The following PTPRD variants were observed in gnomAD, a reference collection of about 807,000 sequenced individuals.
PTPRD encodes receptor-type tyrosine-protein phosphatase delta.
Under a neutral mutation model 214.5 loss-of-function variants are expected in PTPRD, and 34 were observed. The observed-to-expected ratio is 0.16, with a 90% CI of 0.12 to 0.21. The LOEUF (loss-of-function observed/expected upper bound fraction) is 0.21. Among genes scored for constraint, PTPRD ranks in the 10% least tolerant of loss-of-function variants. PTPRD has a pLI of 1.00. For missense variants in PTPRD, 2,545 were observed against 2,398.7 expected, an observed-to-expected ratio of 1.06 and a Z score of -1.27; for synonymous variants, 1,128 against 845.7, an observed-to-expected ratio of 1.33 and a Z score of -5.79.
intron 6 of PTPRD, among the ~76,000 whole-genome samples, chr9:9,740,653 C>T (rs972888010): frequency 6.6e-6 from 1 of 152,082 alleles, no homozygotes. Flanking sequence ...CCTGAGCCAC[C>T]GCACCTGGCC....
chr9:8,863,352 T>TATCCCAACCC (rs1465902124), intron 11 of PTPRD, among the ~76,000 whole-genome samples: 1 of 152,250 alleles, frequency 6.6e-6, no homozygotes, highest in African/African-American at 2.4e-5. Flanking sequence ...CCATTGGCAC[T>TATCCCAACCC]ATCCCAACCC....
At chr9:8,873,347 C>A (rs2098334607) in intron 11 of PTPRD, among the ~76,000 whole-genome samples, 1 of 152,200 alleles carries the variant, frequency 6.6e-6, no homozygotes, top group Non-Finnish European at 1.5e-5. Context: ...TACCAGCTGT[C>A]GTGTTGTATG....
At chr9:10,261,157 T>A (rs997696496) in intron 3 of PTPRD, among the ~76,000 whole-genome samples, 2 of 150,460 alleles carry the variant, frequency 1.3e-5, no homozygotes, top group African/African-American at 4.9e-5. Flanking sequence ...GAAACTAACT[T>A]TTAAAGACTG....
At chr9:8,558,757 T>C (rs144221090) in intron 14 of PTPRD, among the ~76,000 whole-genome samples, 5 of 152,298 alleles carry the variant, frequency 3.3e-5, no homozygotes, top group East Asian at 1.9e-4. Flanking sequence ...GTTACCAAAA[T>C]AGGGTGAACA....
intron 35 of PTPRD, among the ~76,000 whole-genome samples, chr9:8,414,930 G>GGGGAGAGA (rs1491158344): frequency 4.1e-5 from 2 of 49,264 alleles, no homozygotes; most frequent in Non-Finnish European, 7.5e-5. Flanking sequence ...AGAGGGAGGG[G>GGGGAGAGA]GAGAGAGAGA....
chr9:9,198,318 T>C (rs1432918018), intron 9 of PTPRD, among the ~76,000 whole-genome samples: 1 of 152,164 alleles, frequency 6.6e-6, no homozygotes, highest in Non-Finnish European at 1.5e-5. Context: ...GAAAATAAGT[T>C]TGGTTAATTT....
intron 11 of PTPRD, among the ~76,000 whole-genome samples, chr9:8,786,740 T>A (rs2095995466): frequency 7.5e-6 from 1 of 134,136 alleles, no homozygotes; most frequent in Non-Finnish European, 1.7e-5. Context: ...TATACCTGAA[T>A]CCTCAGGGAA....
chr9:9,004,715 T>C (rs1434445745), intron 11 of PTPRD, among the ~76,000 whole-genome samples: 3 of 152,178 alleles, frequency 2.0e-5, no homozygotes, highest in African/African-American at 7.2e-5. Flanking sequence ...ACTGCCTGTA[T>C]ACCAGAGGTA....
intron 9 of PTPRD, among the ~76,000 whole-genome samples, chr9:9,273,283 G>A (rs907577588): frequency 6.6e-6 from 1 of 151,168 alleles, no homozygotes. Context: ...TGGCCTAACA[G>A]CACTGTGAAA....
intron 3 of PTPRD, among the ~76,000 whole-genome samples, chr9:10,075,697 TG>T (rs1262567443): frequency 2.0e-5 from 3 of 151,934 alleles, no homozygotes; most frequent in Non-Finnish European, 4.4e-5. Context: ...GGGGGAAAAT[TG>T]GTTGTGCTCT....
intron 3 of PTPRD, among the ~76,000 whole-genome samples, chr9:10,333,181 G>A (rs969052150): frequency 6.6e-6 from 1 of 151,798 alleles, no homozygotes; most frequent in Non-Finnish European, 1.5e-5. Flanking sequence ...AGTAAGAGTT[G>A]TGTTCTGAGA....
In PTPRD at chr9:9,956,208, C is replaced by G. The variant is rs528219840; in HGVS notation, c.-471-17598G>C. ...CCATCAAATTATGTTACTTTTTGTT[C>G]TTTATGGGGAAAGGAAATAATGTAA... On this transcript the variant is annotated intron_variant, in intron 4 of 45. Transcript: ENST00000381196. Among the ~76,000 whole-genome samples the G allele has an allele frequency of 2.7e-5, 4 of 148,398 alleles. No homozygotes were observed. In the South Asian group the frequency reaches 6.5e-4, roughly 24 times the overall value.
intron 4 of PTPRD, among the ~76,000 whole-genome samples, chr9:9,961,403 G>A (rs1439646952): frequency 6.6e-6 from 1 of 152,098 alleles, no homozygotes. Context: ...GAACAAACAA[G>A]AAGAATGATT....
chr9:8,950,900 C>T (rs928950566), intron 11 of PTPRD, among the ~76,000 whole-genome samples: 9 of 151,892 alleles, frequency 5.9e-5, no homozygotes, highest in African/African-American at 2.2e-4. Flanking sequence ...CTGACCACGG[C>T]AAATATACTG....
At chr9:8,813,914 G>T (rs76018569) in intron 11 of PTPRD, among the ~76,000 whole-genome samples, 1 of 152,232 alleles carries the variant, frequency 6.6e-6, no homozygotes, top group Non-Finnish European at 1.5e-5. Flanking sequence ...TCCCCTCTCC[G>T]AGTCTGAGTT....
intron 7 of PTPRD, among the ~76,000 whole-genome samples, chr9:9,684,511 C>A (rs182416211): frequency 6.6e-6 from 1 of 151,702 alleles, no homozygotes; most frequent in Admixed American, 6.6e-5. Context: ...AAAGACTCTA[C>A]CTAAGATAGT....
At chr9:10,429,655 AAT>A (rs1362681020) in intron 2 of PTPRD, among the ~76,000 whole-genome samples, 2 of 151,776 alleles carry the variant, frequency 1.3e-5, no homozygotes, top group African/African-American at 2.4e-5. Context: ...AATGACAGAT[AAT>A]ATATAGATAT....
chr9:9,657,768 G>T lies in PTPRD; in HGVS notation c.-287+76765C>A, dbSNP rs141835745. ...TAGGACCCACAAGGCTTGCCACATG[G>T]GGGCAAACCAATTGTACATCGTCCT... On this transcript the variant is annotated intron_variant, in intron 7 of 45. Transcript: ENST00000381196. Among the ~76,000 whole-genome samples the T allele has an allele frequency of 3.8e-3, 571 of 152,222 alleles. 4 individuals are homozygous for T. Among genetic ancestry groups the T allele is most frequent in the Non-Finnish European group, 4.4e-3 (297 of 68,014 alleles).
intron 14 of PTPRD, among the ~76,000 whole-genome samples, chr9:8,597,832 A>T (rs2154271443): frequency 6.6e-6 from 1 of 152,124 alleles, no homozygotes; most frequent in East Asian, 1.9e-4. Flanking sequence ...CTCTTCATTA[A>T]CCTCCTATGA....
Sources: gnomAD v4.1 joint callset for allele counts (sites outside exome capture counted in the v4.1 genomes callset) on GRCh38, gnomAD v4.1.1 for gene constraint, MANE v1.5 for transcripts, NCBI Gene and HGNC (gene_info 2026-07-23, HGNC 2026-07-21) for gene names.